KIAA1958: variants seen among roughly 807,000 people sequenced by gnomAD.
KIAA1958 encodes the protein uncharacterized protein KIAA1958.
Under a neutral mutation model 47.2 loss-of-function variants are expected in KIAA1958, and 14 were observed. The ratio of observed to expected loss-of-function variants is 0.30; its 90% CI spans 0.20 to 0.46. KIAA1958 has a LOEUF of 0.46. Ranked by LOEUF, KIAA1958 falls within the 20% of genes least tolerant of loss-of-function variation. The pLI is 1.00. For synonymous variants in KIAA1958, 354 were observed against 353.3 expected (o/e 1.00, Z -0.02); for missense variants, 803 against 909.2 (o/e 0.88, Z 1.50).
At position 112,659,823 on chromosome 9, in the gene KIAA1958, G is replaced by T; in HGVS notation, c.1905G>T (p.Lys635Asn). 2 of 1,614,104 alleles carry T rather than the reference G, an allele frequency of 1.2e-6. No individual in the cohort carries two copies. The highest frequency in any genetic ancestry group is 1.7e-6 in the Non-Finnish European group (2 of 1,180,022). ...AGTGCCCTTACTGCCTCCTCTACAA[G>T]TACATGTACATCCACCGGCCGCCCA... The part of the protein sequence containing the change: ...HKQCPYCLLY[K>N]YMYIHRPPTQ... Residue 635 changes from lysine to asparagine, a missense_variant, in exon 4 of 4, where the codon AAG (lysine) becomes AAT (asparagine). Around this residue, in one of 2 missense-constraint regions of KIAA1958, gnomAD observed 761 missense variants for 829.3 expected, o/e 0.92. Transcript: ENST00000337530.
intron 2 of KIAA1958, among the ~76,000 whole-genome samples, chr9:112,602,176 GTTGTTACAA>G (rs1347577628): frequency 6.6e-6 from 1 of 152,148 alleles, no homozygotes; most frequent in Non-Finnish European, 1.5e-5. Context: ...TAGTTATAAG[GTTGTTACAA>G]TTAATTTTCC....
intron 1 of KIAA1958, among the ~76,000 whole-genome samples, chr9:112,525,199 T>G (rs1834619837): frequency 6.6e-6 from 1 of 152,190 alleles, no homozygotes; most frequent in Admixed American, 6.5e-5. Context: ...TGTTGACTCT[T>G]TAATTGTTGT....
At chr9:112,629,242 A>T (rs953576283) in intron 2 of KIAA1958, among the ~76,000 whole-genome samples, 3 of 152,206 alleles carry the variant, frequency 2.0e-5, no homozygotes, top group Admixed American at 6.5e-5. Flanking sequence ...AATTGTTTCA[A>T]CAGATTAACT....
intron 2 of KIAA1958, among the ~76,000 whole-genome samples, chr9:112,588,169 C>T (rs1319001070): frequency 6.6e-6 from 1 of 152,218 alleles, no homozygotes; most frequent in Non-Finnish European, 1.5e-5. Context: ...TAACCCTTTT[C>T]TGCTTTATCC....
At chr9:112,571,685 T>G (rs1835536026) in intron 1 of KIAA1958, among the ~76,000 whole-genome samples, 1 of 151,906 alleles carries the variant, frequency 6.6e-6, no homozygotes, top group South Asian at 2.1e-4. Context: ...GTGCAGTAGC[T>G]CATGCCTGTA....
intron 2 of KIAA1958, among the ~76,000 whole-genome samples, chr9:112,592,771 G>T (rs1835946013): frequency 6.6e-6 from 1 of 152,160 alleles, no homozygotes; most frequent in African/African-American, 2.4e-5. Flanking sequence ...ATTCCCTTTT[G>T]GCGACAAGTA....
chr9:112,605,555 A>G (rs1836217204), intron 2 of KIAA1958, among the ~76,000 whole-genome samples: 1 of 152,244 alleles, frequency 6.6e-6, no homozygotes, highest in African/African-American at 2.4e-5. Context: ...TTGTATCATA[A>G]CAGAGCAATG....
At chr9:112,509,453 G>T (rs976235572) in intron 1 of KIAA1958, among the ~76,000 whole-genome samples, 14 of 152,184 alleles carry the variant, frequency 9.2e-5, no homozygotes, top group Non-Finnish European at 1.9e-4. Context: ...CACCCTCCTC[G>T]GCCTCCCGCC....
intron 2 of KIAA1958, among the ~76,000 whole-genome samples, chr9:112,636,239 T>A (rs1404838719): frequency 2.0e-5 from 3 of 151,576 alleles, no homozygotes; most frequent in Non-Finnish European, 2.9e-5. Context: ...TTATTCTACT[T>A]ATATTAGAGA....
intron 1 of KIAA1958, among the ~76,000 whole-genome samples, chr9:112,563,641 A>G (rs1835375793): frequency 6.6e-6 from 1 of 152,110 alleles, no homozygotes; most frequent in South Asian, 2.1e-4. Context: ...ATTTCTGCAT[A>G]AACAGCCATG....
intron 1 of KIAA1958, among the ~76,000 whole-genome samples, chr9:112,544,284 A>G (rs897760620): frequency 1.3e-5 from 2 of 152,244 alleles, no homozygotes; most frequent in Admixed American, 6.5e-5. Context: ...CTGCGAGACC[A>G]CTATTCAATC....
Position 112,546,777 on chromosome 9 carries a change from C to G in KIAA1958, c.-24-27280C>G, listed in dbSNP as rs73547717. On this transcript the variant is annotated intron_variant, in intron 1 of 3. Coordinates refer to ENST00000337530, the MANE Select transcript of KIAA1958 (RefSeq NM_133465.4). ...CTCTCTTACCTGGAATACTCTCACT[C>G]TCTCTGCCCTGTGTAATTTAATCAT... Among the ~76,000 whole-genome samples, 1,042 of 152,196 alleles carry G rather than the reference C, an allele frequency of 6.8e-3. 18 individuals carry two copies. Among genetic ancestry groups the G allele is most frequent in the African/African-American group, 0.024 (998 of 41,520 alleles).
At chr9:112,543,004 G>C (rs1768594677) in intron 1 of KIAA1958, among the ~76,000 whole-genome samples, 1 of 152,168 alleles carries the variant, frequency 6.6e-6, no homozygotes, top group South Asian at 2.1e-4. Flanking sequence ...AAATTACATG[G>C]CTTGCTTCGG....
At chr9:112,592,836 T>G (rs966449106) in intron 2 of KIAA1958, among the ~76,000 whole-genome samples, 2 of 152,186 alleles carry the variant, frequency 1.3e-5, no homozygotes, top group South Asian at 4.1e-4. Flanking sequence ...TTTCAGGTAA[T>G]GGGACAACGG....
rs1372925776 is a variant in KIAA1958 at position 112,662,737 on chromosome 9, A to G, written c.*2668A>G. The G allele has an allele frequency of 6.6e-6, 1 of 152,546 alleles. No individual in the cohort carries two copies. Among genetic ancestry groups the G allele is most frequent in the Non-Finnish European group, 1.5e-5 (1 of 68,296 alleles). The allele number at this position is 152,546 out of a possible 1,614,324, so 9.4% of individuals were successfully genotyped here. A position where few individuals can be genotyped will look rare whatever the true frequency, so the allele number is the denominator to read the frequency against. ...AACCTGGGAGGCGGAGGTTGCAGTG[A>G]GCCGAGACCATGCCACTGCACTCCA... On this transcript the variant is annotated 3_prime_UTR_variant, in exon 4 of 4. Coordinates refer to ENST00000337530, the MANE Select transcript of KIAA1958 (RefSeq NM_133465.4).
intron 1 of KIAA1958, among the ~76,000 whole-genome samples, chr9:112,497,621 A>G (rs551725645): frequency 6.6e-4 from 101 of 152,284 alleles, no homozygotes; most frequent in Non-Finnish European, 1.2e-3. Context: ...ACTCTTATTC[A>G]GATTTCCAGT....
intron 2 of KIAA1958, among the ~76,000 whole-genome samples, chr9:112,610,957 G>C (rs1836318106): frequency 6.6e-6 from 1 of 152,086 alleles, no homozygotes; most frequent in Admixed American, 6.6e-5. Flanking sequence ...TCTTTTAATA[G>C]AGCAAAAGAA....
intron 1 of KIAA1958, among the ~76,000 whole-genome samples, chr9:112,554,497 A>G (rs1007513140): frequency 1.4e-4 from 6 of 43,330 alleles, no homozygotes; most frequent in Non-Finnish European, 2.1e-4. Flanking sequence ...GTGAGACTCC[A>G]TCTCAATAAT....
At chr9:112,631,534 GAAAAAAAAAA>G (rs57805823) in intron 2 of KIAA1958, among the ~76,000 whole-genome samples, 37 of 98,306 alleles carry the variant, frequency 3.8e-4, no homozygotes, top group Non-Finnish European at 6.4e-4. Flanking sequence ...CTCTCTCAAA[GAAAAAAAAAA>G]AAAAAAAAAA....
Sources: allele counts gnomAD v4.1 joint callset (sites outside exome capture counted in the v4.1 genomes callset), GRCh38; gene constraint gnomAD v4.1.1; regional missense constraint gnomAD v4.1.1; transcripts MANE v1.5; gene names NCBI Gene and HGNC (gene_info 2026-07-23, HGNC 2026-07-21).